The following APOH variants were observed in gnomAD, a reference collection of about 807,000 sequenced individuals.
APOH encodes apolipoprotein H, also known as beta-2-glycoprotein 1.
In APOH, 48 loss-of-function variants were observed where a neutral mutation model predicts 39.8. That is an observed-to-expected ratio of 1.21 (90% CI 0.96 to 1.54). The LOEUF (loss-of-function observed/expected upper bound fraction) is 1.54. Among genes scored for constraint, APOH ranks in the 40% most tolerant of loss-of-function variants. The pLI is 0.00. For missense variants in APOH, 415 were observed against 421.2 expected (o/e 0.99, Z 0.13); for synonymous variants, 153 against 151.1 (o/e 1.01, Z -0.09).
intron 4 of APOH, among the ~76,000 whole-genome samples, chr17:66,221,416 G>GAAGGAAGGA (rs1555572563): frequency 0.17 from 18,416 of 111,542 alleles, 3,459 homozygotes; most frequent in Non-Finnish European, 0.23. Context: ...AGGAAGGAAG[G>GAAGGAAGGA]AAGGAAGGAA....
intron 7 of APOH, among the ~76,000 whole-genome samples, chr17:66,213,571 G>A (rs1466105709): frequency 6.6e-6 from 1 of 152,048 alleles, no homozygotes; most frequent in Admixed American, 6.6e-5. Context: ...AGCTCAACTT[G>A]GAATTATACA....
rs8178825 is a variant in APOH at position 66,228,500 on chromosome 17, C to A, written c.65-304G>T. 1.2e-3 allele frequency: 295 copies of A among 249,736 alleles called. 1 individual carries two copies. Among genetic ancestry groups the A allele is most frequent in the Admixed American group, 2.3e-3 (47 of 20,004 alleles). 15.5% of individuals were successfully genotyped at this position (249,736 alleles called of 1,614,324 possible). On this transcript the variant is annotated intron_variant, in intron 1 of 7. Coordinates refer to ENST00000205948, the MANE Select transcript of APOH (RefSeq NM_000042.3). Reference sequence around the variant, plus strand: ...CAATCCAGTCCCTCCAGCATCCACTCTAAAGAGAATTTAGTTATCAGCTGG... The same window carrying A: ...CAATCCAGTCCCTCCAGCATCCACTATAAAGAGAATTTAGTTATCAGCTGG...
At chr17:66,226,163 C>A in intron 2 of APOH, 39 bp from the exon 3 acceptor site, 2 of 1,424,570 alleles carry the variant, frequency 1.4e-6, no homozygotes, top group African/African-American at 1.5e-5. Context: ...TTTCTTTGGG[C>A]TAAAAAAAAA....
At chr17:66,218,165 G>A (rs945560930) in intron 5 of APOH, among the ~76,000 whole-genome samples, 1 of 152,166 alleles carries the variant, frequency 6.6e-6, no homozygotes, top group Non-Finnish European at 1.5e-5. Context: ...TGGTTTCAAA[G>A]TATCACCCAC....
intron 6 of APOH, among the ~76,000 whole-genome samples, chr17:66,216,048 A>C (rs1349988191): frequency 6.6e-6 from 1 of 151,974 alleles, no homozygotes; most frequent in East Asian, 1.9e-4. Flanking sequence ...ACAGAGCACA[A>C]AAAGGGGTGG....
In APOH at chr17:66,228,134, G is replaced by T; in HGVS notation, c.127C>A (p.Pro43Thr). ...CAGGAATACGTAATCTCTTCTCCTG[G>T]CTCATAGAATGTTTTTAACGGGACC... Reference protein sequence around the residue: ...TVVPLKTFYEPGEEITYSCKP... With the variant: ...TVVPLKTFYETGEEITYSCKP... Residue 43 changes from proline to threonine, a missense_variant, in exon 2 of 8, where the codon CCA becomes ACA. By Grantham distance (38) the Pro-to-Thr change is conservative. Coordinates refer to ENST00000205948, the MANE Select transcript of APOH (RefSeq NM_000042.3). 1.2e-6 allele frequency: 2 copies of T among 1,614,160 alleles called. No individual in the cohort carries two copies. Among genetic ancestry groups the T allele is most frequent in the Non-Finnish European group, 1.7e-6 (2 of 1,180,028 alleles).
rs2073353894 is a variant in APOH at position 66,214,605 on chromosome 17, C to T, written c.830G>A (p.Gly277Glu). ...PVKKATVVYQ[G>E]ERVKIQEKFK... ...TTTTTCCTGAATCTTTACTCTCTCT[C>T]CTTGGTACACCACAGTGGCTTTTTT... is the stretch of plus-strand genomic sequence containing the variant. Residue 277 changes from glycine (G) to glutamate (E), a missense_variant, in exon 7 of 8, where the codon GGA becomes GAA. By Grantham distance (98) the Gly-to-Glu change is moderately conservative. Coordinates refer to ENST00000205948, the MANE Select transcript of APOH (RefSeq NM_000042.3). The T allele has an allele frequency of 1.2e-6, 2 of 1,613,840 alleles. No homozygotes were observed. Among genetic ancestry groups the T allele is most frequent in the Middle Eastern group, 1.6e-4 (1 of 6,084 alleles).
At chr17:66,227,902 T>C in intron 2 of APOH, 118 bp downstream of exon 2, 2 of 1,062,364 alleles carry the variant, frequency 1.9e-6, no homozygotes, top group Non-Finnish European at 1.4e-6. Flanking sequence ...CTCTCCAACC[T>C]GGCTTTCTGC....
intron 6 of APOH, 83 bp from the exon 7 acceptor site, chr17:66,214,733 T>G (rs2073354640): frequency 1.3e-5 from 15 of 1,177,424 alleles, no homozygotes; most frequent in East Asian, 4.7e-5. Context: ...AAACAGTAGA[T>G]GAGTACACCT....
chr17:66,223,826 A>T (rs2073418507), intron 3 of APOH, 52 bp from the exon 4 acceptor site: 2 of 1,436,176 alleles, frequency 1.4e-6, no homozygotes, highest in Non-Finnish European at 9.8e-7. Flanking sequence ...CATCACTGAC[A>T]TCTCAAATAT....
At chr17:66,217,725 T>C (rs1197759906) in intron 5 of APOH, among the ~76,000 whole-genome samples, 1 of 152,048 alleles carries the variant, frequency 6.6e-6, no homozygotes, top group Admixed American at 6.6e-5. Context: ...CTGAGGTGGA[T>C]GCTGAGGAGG....
chr17:66,216,806 C>T lies in APOH; in HGVS notation c.766G>A (p.Ala256Thr), dbSNP rs371620960. The T allele has an allele frequency of 6.2e-7, 1 of 1,603,506 alleles. No homozygotes were observed. Among genetic ancestry groups the T allele is most frequent in the African/African-American group, 1.3e-5 (1 of 74,482 alleles). The change falls in exon 6 of 8, where the codon GCC becomes ACC. Residue 256 changes from alanine (A) to threonine (T), a missense_variant. Coordinates refer to ENST00000205948, the MANE Select transcript of APOH (RefSeq NM_000042.3). ...TCCATACCTTTACAACTTGGCATGGCAGACCAGTTTCCCAGTTTGGTACAT... is the reference window on the plus strand; with the variant it reads ...TCCATACCTTTACAACTTGGCATGGTAGACCAGTTTCCCAGTTTGGTACAT... ...IECTKLGNWS[A>T]MPSCKASCKV...
Position 66,226,054 on chromosome 17 carries a change from G to C in APOH, c.312C>G (p.Asn104Lys). The C allele has an allele frequency of 6.2e-7, 1 of 1,613,578 alleles. No individual in the cohort carries two copies. The highest frequency in any genetic ancestry group is 8.5e-7 in the Non-Finnish European group (1 of 1,179,692). Residue 104 changes from asparagine (N) to lysine (K), a missense_variant, in exon 3 of 8, where the codon AAC becomes AAG. Physicochemically the swap from Asn to Lys is moderately conservative, Grantham distance 94. This residue lies in a region of APOH where 288 missense variants were observed against 284.9 expected (regional missense o/e 1.01). Transcript: ENST00000205948. ...CAGTGTTACAAGAAAAACTGATCGT[G>C]TTGGGATATTCAAAAGTCGTATAGC... ...AVRYTTFEYP[N>K]TISFSCNTGF...
intron 6 of APOH, among the ~76,000 whole-genome samples, chr17:66,216,497 AAG>A: frequency 7.0e-6 from 1 of 142,780 alleles, no homozygotes; most frequent in Admixed American, 7.1e-5. Context: ...AAAAAAAAAA[AAG>A]AGTGCTCAGA....
At chr17:66,223,559 A>ACCAGGATG (rs757398202) in intron 4 of APOH, 139 bp downstream of exon 4, 95 of 725,080 alleles carry the variant, frequency 1.3e-4, no homozygotes, top group Non-Finnish European at 2.1e-4. Flanking sequence ...AGAGCAAGAT[A>ACCAGGATG]CCAGGATGAA....
Position 66,216,799 on chromosome 17 carries a change from G to C in APOH, c.773C>G (p.Pro258Arg). The C allele has an allele frequency of 6.2e-7, 1 of 1,602,110 alleles. No homozygotes were observed. Among genetic ancestry groups the C allele is most frequent in the Non-Finnish European group, 8.5e-7 (1 of 1,175,246 alleles). ...CTATATTTCCATACCTTTACAACTT[G>C]GCATGGCAGACCAGTTTCCCAGTTT... ...CTKLGNWSAM[P>R]SCKASCKVPV... Residue 258 changes from proline to arginine, a missense_variant, in exon 6 of 8, where the codon CCA (proline) becomes CGA (arginine). By Grantham distance (103) the Pro-to-Arg change is moderately radical (BLOSUM62 -2). Transcript: ENST00000205948.
chr17:66,216,699 G>C lies in APOH; in HGVS notation c.784+89C>G, dbSNP rs956615161. The C allele has an allele frequency of 6.7e-6, 9 of 1,347,474 alleles. No individual in the cohort carries two copies. In the African/African-American group the frequency reaches 1.2e-4, roughly 18 times the overall value. The allele number at this position is 1,347,474 out of a possible 1,614,324, so 83.5% of individuals were successfully genotyped here. A position where few individuals can be genotyped will look rare whatever the true frequency, so the allele number is the denominator to read the frequency against. ...TCCTAGCAAGTCTGAGCAACAAGTGGAAAAGTGTTGGAACAAGAAAATAGC... is the reference window on the plus strand; with the variant it reads ...TCCTAGCAAGTCTGAGCAACAAGTGCAAAAGTGTTGGAACAAGAAAATAGC... On this transcript the variant is annotated intron_variant, in intron 6 of 7. Coordinates refer to ENST00000205948, the MANE Select transcript of APOH (RefSeq NM_000042.3).
intron 5 of APOH, among the ~76,000 whole-genome samples, chr17:66,219,210 T>C (rs572335799): frequency 6.6e-6 from 1 of 152,166 alleles, no homozygotes; most frequent in African/African-American, 2.4e-5. Flanking sequence ...TGGATTATTA[T>C]TGTTAATAAT....
rs774856537 is a variant in APOH at position 66,214,528 on chromosome 17, T to A, written c.907A>T (p.Lys303Ter). Residue 303 changes from lysine to a stop codon, truncating the protein, a stop_gained, in exon 7 of 8, where the codon AAG (lysine) becomes TAG (stop). Transcript: ENST00000205948. LOFTEE classifies it high-confidence loss of function. ...GDKVSFFCKNKEKKCSYTEDA... is the reference protein window; with the variant it reads ...GDKVSFFCKN ...TCTGTATAGCTACACTTCTTTTCCT[T>A]ATTTTTGCAGAAGAAAGAAACTTTA... 1 of 1,614,182 alleles carries A rather than the reference T, an allele frequency of 6.2e-7. No homozygotes were observed. Among genetic ancestry groups the A allele is most frequent in the South Asian group, 1.1e-5 (1 of 91,080 alleles).
Sources: allele counts gnomAD v4.1 joint callset (sites outside exome capture counted in the v4.1 genomes callset), GRCh38; gene constraint gnomAD v4.1.1; regional missense constraint gnomAD v4.1.1; transcripts MANE v1.5; gene names NCBI Gene and HGNC (gene_info 2026-07-23, HGNC 2026-07-21).